Variants in IQGAP2 observed in about 807,000 individuals in gnomAD.
IQGAP2 encodes the protein IQ motif containing GTPase activating protein 2.
In IQGAP2, 173 loss-of-function variants were observed where a neutral mutation model predicts 201.3. The ratio of observed to expected loss-of-function variants is 0.86; its 90% CI spans 0.76 to 0.98. The LOEUF is 0.98. Among genes scored for constraint, IQGAP2 ranks in the 50% least tolerant of loss-of-function variants. The pLI, the probability that IQGAP2 is intolerant of heterozygous loss-of-function variation, is 0.00. For synonymous variants in IQGAP2, 675 were observed against 673.9 expected (o/e 1.00, Z -0.03); for missense variants, 1,687 against 1,864.8 (o/e 0.90, Z 1.76).
chr5:76,545,793 G>T lies in IQGAP2; in HGVS notation c.147-16603G>T, dbSNP rs538967229. 1.2e-3 allele frequency among the ~76,000 whole-genome samples: 189 copies of T among 152,276 alleles called. 1 individual carries two copies. Among genetic ancestry groups the T allele is most frequent in the African/African-American group, 4.5e-3 (185 of 41,550 alleles). ...CATGTTGACACACATGACAAAAAGT[G>T]CATGTACTTTTGTGTTACTGTTTTA... On this transcript the variant is annotated intron_variant, in intron 2 of 35. Coordinates refer to ENST00000274364, the MANE Select transcript of IQGAP2 (RefSeq NM_006633.5).
At chr5:76,656,658 G>C (rs912449645) in intron 20 of IQGAP2, among the ~76,000 whole-genome samples, 12 of 151,712 alleles carry the variant, frequency 7.9e-5, no homozygotes, top group African/African-American at 2.9e-4. Flanking sequence ...AGCAGTTATA[G>C]TGATGTTTTT....
chr5:76,510,647 C>A, intron 2 of IQGAP2: 1 of 532,872 alleles, frequency 1.9e-6, no homozygotes. Context: ...TACTTCTACT[C>A]CTTTGGGGAC....
intron 17 of IQGAP2, among the ~76,000 whole-genome samples, chr5:76,648,259 T>C (rs764798995): frequency 6.6e-6 from 1 of 152,200 alleles, no homozygotes; most frequent in Non-Finnish European, 1.5e-5. Flanking sequence ...CCTCCTTTTT[T>C]TCTCTTCACC....
At chr5:76,517,991 C>CT (rs1758442601) in intron 2 of IQGAP2, among the ~76,000 whole-genome samples, 2 of 152,114 alleles carry the variant, frequency 1.3e-5, no homozygotes, top group South Asian at 2.1e-4. Context: ...GAGTCTTGCT[C>CT]TATCACCCAG....
intron 11 of IQGAP2, among the ~76,000 whole-genome samples, chr5:76,605,943 G>A (rs76400829): frequency 0.026 from 3,987 of 152,186 alleles, 164 homozygotes; most frequent in African/African-American, 0.09. Context: ...TATGAGTTTC[G>A]ATTTTGAAGA....
intron 17 of IQGAP2, among the ~76,000 whole-genome samples, chr5:76,645,401 C>T (rs1362102986): frequency 1.3e-5 from 2 of 152,184 alleles, no homozygotes; most frequent in East Asian, 1.9e-4. Context: ...ATTTCTGGTT[C>T]TAGATCCTTG....
At chr5:76,652,186 T>C (rs1752569118) in intron 17 of IQGAP2, among the ~76,000 whole-genome samples, 1 of 152,218 alleles carries the variant, frequency 6.6e-6, no homozygotes, top group Admixed American at 6.5e-5. Context: ...CAGGTAAAGC[T>C]ATGTTGATGA....
intron 2 of IQGAP2, among the ~76,000 whole-genome samples, chr5:76,556,162 T>G (rs969545134): frequency 2.0e-5 from 3 of 152,074 alleles, no homozygotes; most frequent in African/African-American, 7.2e-5. Flanking sequence ...TCGAGTGTTA[T>G]AGTAGGGTTT....
intron 15 of IQGAP2, among the ~76,000 whole-genome samples, chr5:76,635,490 A>G (rs915207304): frequency 7.9e-5 from 12 of 152,110 alleles, no homozygotes; most frequent in Non-Finnish European, 1.5e-4. Context: ...CAGTTGCCTT[A>G]AGAAGGGTGA....
At chr5:76,531,296 C>G (rs532851767) in intron 2 of IQGAP2, among the ~76,000 whole-genome samples, 1 of 152,270 alleles carries the variant, frequency 6.6e-6, no homozygotes, top group East Asian at 1.9e-4. Context: ...GACAGGGTCT[C>G]TGCTCTGTTG....
At chr5:76,584,837 T>G (rs532672187) in intron 5 of IQGAP2, among the ~76,000 whole-genome samples, 13 of 152,218 alleles carry the variant, frequency 8.5e-5, no homozygotes, top group Admixed American at 2.0e-4. Context: ...TGTCAGACAT[T>G]TGAAGGAAAC....
intron 34 of IQGAP2, 36 bp downstream of exon 34, chr5:76,701,249 GC>G: frequency 1.3e-6 from 2 of 1,598,424 alleles, no homozygotes; most frequent in Non-Finnish European, 1.7e-6. Context: ...GAACACGCAT[GC>G]CATTTGATTT....
intron 1 of IQGAP2, among the ~76,000 whole-genome samples, chr5:76,429,602 A>ATT (rs1561365094): frequency 6.9e-6 from 1 of 144,188 alleles, no homozygotes; most frequent in African/African-American, 2.6e-5. Flanking sequence ...ATATATGTAT[A>ATT]TTTATATATA....
intron 1 of IQGAP2, among the ~76,000 whole-genome samples, chr5:76,452,150 C>T (rs1486572106): frequency 2.0e-5 from 3 of 147,336 alleles, no homozygotes; most frequent in African/African-American, 5.0e-5. Flanking sequence ...AAAAAAAGAA[C>T]AAATCTGACC....
chr5:76,419,069 C>T (rs1358944240), intron 1 of IQGAP2, among the ~76,000 whole-genome samples: 1 of 152,150 alleles, frequency 6.6e-6, no homozygotes, highest in Admixed American at 6.5e-5. Context: ...TGTGTGTTCC[C>T]TGGATATTGT....
intron 30 of IQGAP2, among the ~76,000 whole-genome samples, chr5:76,687,886 C>T (rs7706686): frequency 0.19 from 28,695 of 152,088 alleles, 3,401 homozygotes; most frequent in African/African-American, 0.33. Flanking sequence ...ATAATAGAAA[C>T]AAAGTGCACA....
intron 32 of IQGAP2, among the ~76,000 whole-genome samples, chr5:76,696,669 G>A (rs529757603): frequency 6.6e-6 from 1 of 152,206 alleles, no homozygotes; most frequent in Non-Finnish European, 1.5e-5. Context: ...TCTGGCAGTA[G>A]GCTTATTCCT....
intron 2 of IQGAP2, among the ~76,000 whole-genome samples, chr5:76,542,097 C>T (rs995330786): frequency 2.6e-5 from 4 of 152,128 alleles, no homozygotes; most frequent in African/African-American, 9.7e-5. Flanking sequence ...AATGCTCCCA[C>T]CTCAGCCCTC....
intron 10 of IQGAP2, among the ~76,000 whole-genome samples, chr5:76,600,600 C>T (rs1747364124): frequency 6.6e-6 from 1 of 152,122 alleles, no homozygotes; most frequent in African/African-American, 2.4e-5. Flanking sequence ...TGTAATCAAC[C>T]CAGTCCCAAA....
Sources: gnomAD v4.1 joint callset for allele counts (sites outside exome capture counted in the v4.1 genomes callset) on GRCh38, gnomAD v4.1.1 for gene constraint, MANE v1.5 for transcripts, NCBI Gene and HGNC (gene_info 2026-07-23, HGNC 2026-07-21) for gene names.